EPHA5: variants seen among roughly 807,000 people sequenced by gnomAD.
The protein encoded by EPHA5 is ephrin type-A receptor 5.
EPHA5 carries 60 observed loss-of-function variants against 105.0 expected under a neutral mutation model. The observed-to-expected ratio is 0.57, with a 90% CI of 0.46 to 0.71. The LOEUF (loss-of-function observed/expected upper bound fraction) is 0.71. Among genes scored for constraint, EPHA5 ranks in the 30% least tolerant of loss-of-function variants. The probability of loss-of-function intolerance (pLI) is 0.00; values close to 1 mark genes in which losing one functional copy is unlikely to be tolerated. For missense variants in EPHA5, 1,218 were observed against 1,274.7 expected, an observed-to-expected ratio of 0.96 and a Z score of 0.68; for synonymous variants, 513 against 449.1, an observed-to-expected ratio of 1.14 and a Z score of -1.80.
intron 3 of EPHA5, among the ~76,000 whole-genome samples, chr4:65,503,087 G>A (rs913679510): frequency 1.3e-5 from 2 of 151,706 alleles, no homozygotes; most frequent in African/African-American, 2.4e-5. Flanking sequence ...CATAAAGATG[G>A]CAACAATAGA....
chr4:65,549,579 C>A (rs1357208845), intron 3 of EPHA5, among the ~76,000 whole-genome samples: 1 of 151,912 alleles, frequency 6.6e-6, no homozygotes, highest in African/African-American at 2.4e-5. Context: ...GTTAAAGTAA[C>A]AAATAACATT....
chr4:65,600,885 C>T (rs67116724), intron 3 of EPHA5, among the ~76,000 whole-genome samples: 1 of 151,784 alleles, frequency 6.6e-6, no homozygotes, highest in Non-Finnish European at 1.5e-5. Context: ...CACCACACTG[C>T]GGGCAAAATG....
intron 3 of EPHA5, among the ~76,000 whole-genome samples, chr4:65,568,220 A>T (rs1739760961): frequency 6.6e-6 from 1 of 151,444 alleles, no homozygotes; most frequent in Non-Finnish European, 1.5e-5. Context: ...CTCATTGAGG[A>T]AGTAAAGTAC....
At chr4:65,410,933 C>T (rs1722851673) in intron 7 of EPHA5, among the ~76,000 whole-genome samples, 1 of 152,066 alleles carries the variant, frequency 6.6e-6, no homozygotes, top group Admixed American at 6.6e-5. Context: ...GATTCCGTTA[C>T]AGTCTCAAAG....
At chr4:65,377,388 T>C (rs749200864) in intron 8 of EPHA5, among the ~76,000 whole-genome samples, 1 of 152,026 alleles carries the variant, frequency 6.6e-6, no homozygotes. Flanking sequence ...CATTCTAATA[T>C]ATCTCTCCTC....
chr4:65,528,897 A>G (rs2149296977), intron 3 of EPHA5, among the ~76,000 whole-genome samples: 1 of 152,276 alleles, frequency 6.6e-6, no homozygotes, highest in South Asian at 2.1e-4. Context: ...ACTCTACTTC[A>G]AATTATAGGA....
intron 5 of EPHA5, among the ~76,000 whole-genome samples, chr4:65,465,525 AAGAAAAGAAAG>A: frequency 1.1e-5 from 1 of 90,874 alleles, no homozygotes; most frequent in Admixed American, 1.3e-4. Flanking sequence ...GAAAGAAAGA[AAGAAAAGAAAG>A]GAAAGGAAGG....
intron 2 of EPHA5, among the ~76,000 whole-genome samples, chr4:65,636,888 CTGCTG>C (rs1228634162): frequency 3.3e-5 from 5 of 152,106 alleles, no homozygotes; most frequent in Non-Finnish European, 4.4e-5. Flanking sequence ...TTTTACTTCA[CTGCTG>C]TAGCCCCAGT....
At chr4:65,449,588 G>A (rs575616623) in intron 5 of EPHA5, among the ~76,000 whole-genome samples, 1 of 152,146 alleles carries the variant, frequency 6.6e-6, no homozygotes, top group Non-Finnish European at 1.5e-5. Flanking sequence ...ATATAGTGAA[G>A]TTGATATCTA....
chr4:65,425,958 A>G (rs1320172921), intron 5 of EPHA5, among the ~76,000 whole-genome samples: 2 of 152,118 alleles, frequency 1.3e-5, no homozygotes, highest in Non-Finnish European at 1.5e-5. Flanking sequence ...AGTCCTTAGA[A>G]TATTTTTCTG....
intron 3 of EPHA5, among the ~76,000 whole-genome samples, chr4:65,595,507 C>T (rs1403859189): frequency 6.6e-6 from 1 of 151,724 alleles, no homozygotes; most frequent in Non-Finnish European, 1.5e-5. Flanking sequence ...ATACTACCTA[C>T]TTAGAGAAAA....
intron 5 of EPHA5, among the ~76,000 whole-genome samples, chr4:65,489,231 C>T (rs569460828): frequency 6.6e-6 from 1 of 152,222 alleles, no homozygotes; most frequent in African/African-American, 2.4e-5. Context: ...AGAATATAAC[C>T]ACTTGATTTA....
intron 3 of EPHA5, among the ~76,000 whole-genome samples, chr4:65,518,349 CA>C (rs1734308539): frequency 6.6e-6 from 1 of 151,828 alleles, no homozygotes; most frequent in African/African-American, 2.4e-5. Context: ...CCCCAAATCA[CA>C]AATGTATTAG....
chr4:65,335,461 C>T (rs142503522), intron 15 of EPHA5, among the ~76,000 whole-genome samples: 1 of 152,008 alleles, frequency 6.6e-6, no homozygotes, highest in Non-Finnish European at 1.5e-5. Flanking sequence ...TGGATAAGAG[C>T]AAAAGGGTCC....
chr4:65,476,099 T>TGA lies in EPHA5; in HGVS notation c.1402+14276_1402+14277dup, dbSNP rs35934629. ...CAAACACTCCCTGCATCAAAATCACTGAGAGAGAGAGAGAGAGAGAGAGAG... is the reference window on the plus strand; with the variant it reads ...CAAACACTCCCTGCATCAAAATCACTGAGAGAGAGAGAGAGAGAGAGAGAGAG... On this transcript the variant is annotated intron_variant, in intron 5 of 16. Transcript: ENST00000613740. Among the ~76,000 whole-genome samples the TGA allele has an allele frequency of 8.1e-3, 1,116 of 138,186 alleles. 10 individuals are homozygous for TGA. Among genetic ancestry groups the TGA allele is most frequent in the East Asian group, 0.028 (127 of 4,508 alleles). The allele number at this position is 138,186 out of a possible 152,430, so 90.7% of individuals were successfully genotyped here.
At chr4:65,624,112 G>A (rs1745933215) in intron 2 of EPHA5, among the ~76,000 whole-genome samples, 1 of 151,998 alleles carries the variant, frequency 6.6e-6, no homozygotes, top group South Asian at 2.1e-4. Flanking sequence ...TTATGATACA[G>A]ATCAGAGAAT....
At chr4:65,333,280 T>C (rs1359206265) in intron 15 of EPHA5, among the ~76,000 whole-genome samples, 1 of 151,684 alleles carries the variant, frequency 6.6e-6, no homozygotes, top group African/African-American at 2.4e-5. Context: ...CTACTCAGGT[T>C]CTCTCTACTT....
chr4:65,543,979 T>G (rs1177823474), intron 3 of EPHA5, among the ~76,000 whole-genome samples: 1 of 152,056 alleles, frequency 6.6e-6, no homozygotes, highest in Non-Finnish European at 1.5e-5. Flanking sequence ...GGGGAAAGGA[T>G]TCCCTATTTA....
At chr4:65,374,822 A>C (rs565983477) in intron 8 of EPHA5, among the ~76,000 whole-genome samples, 1 of 152,034 alleles carries the variant, frequency 6.6e-6, no homozygotes, top group African/African-American at 2.4e-5. Flanking sequence ...ATGATGATAG[A>C]ATGTTTTTGA....
Sources: gnomAD v4.1 joint callset for allele counts (sites outside exome capture counted in the v4.1 genomes callset) on GRCh38, gnomAD v4.1.1 for gene constraint, MANE v1.5 for transcripts, NCBI Gene and HGNC (gene_info 2026-07-23, HGNC 2026-07-21) for gene names.